The following PAWR variants were observed in gnomAD, a reference collection of about 807,000 sequenced individuals.
PAWR encodes pro-apoptotic WT1 regulator, also known as PRKC apoptosis WT1 regulator protein.
In PAWR, 23 loss-of-function variants were observed where a neutral mutation model predicts 32.0. The ratio of observed to expected loss-of-function variants is 0.72; its 90% CI spans 0.52 to 1.02. The LOEUF is 1.02. Ranked by LOEUF, PAWR falls within the 50% of genes least tolerant of loss-of-function variation. The pLI, the probability that PAWR is intolerant of heterozygous loss-of-function variation, is 0.00. For missense variants in PAWR, 457 were observed against 437.7 expected, an observed-to-expected ratio of 1.04 and a Z score of -0.39; for synonymous variants, 226 against 187.1, an observed-to-expected ratio of 1.21 and a Z score of -1.70.
At chr12:79,620,045 G>T (rs1293352273) in intron 3 of PAWR, among the ~76,000 whole-genome samples, 2 of 152,144 alleles carry the variant, frequency 1.3e-5, no homozygotes, top group African/African-American at 4.8e-5. Context: ...AAGTAATACT[G>T]ATGTTATTCA....
In PAWR at chr12:79,589,156, T is replaced by C. The variant is rs967529006; in HGVS notation, c.*3451A>G. 1.4e-4 allele frequency: 21 copies of C among 151,666 alleles called. No homozygotes were observed. The highest frequency in any genetic ancestry group is 4.6e-4 in the African/African-American group (19 of 41,320). The allele number at this position is 151,666 out of a possible 1,614,324, so 9.4% of individuals were successfully genotyped here. On this transcript the variant is annotated 3_prime_UTR_variant, in exon 7 of 7. Coordinates refer to ENST00000328827, the MANE Select transcript of PAWR (RefSeq NM_002583.4). ...GTCACCAACTCAGAACCCATAAAAC[T>C]ATACACATATGCACAAAAAAAAAAC...
chr12:79,616,056 C>CAAAAAA (rs140963642), intron 3 of PAWR, among the ~76,000 whole-genome samples: 3 of 72,396 alleles, frequency 4.1e-5, no homozygotes, highest in African/African-American at 1.1e-4. Flanking sequence ...GACCCTGTCT[C>CAAAAAA]AAAAAAAAAA....
chr12:79,660,407 G>GTTA (rs1877291352), intron 2 of PAWR, among the ~76,000 whole-genome samples: 1 of 151,990 alleles, frequency 6.6e-6, no homozygotes, highest in African/African-American at 2.4e-5. Context: ...GTGCTAAGAG[G>GTTA]TTATACTGAG....
chr12:79,621,673 A>G (rs1189429619), intron 2 of PAWR, among the ~76,000 whole-genome samples: 1 of 152,200 alleles, frequency 6.6e-6, no homozygotes, highest in African/African-American at 2.4e-5. Context: ...ATATAAAGGA[A>G]GAGTATTTTT....
intron 2 of PAWR, among the ~76,000 whole-genome samples, chr12:79,682,137 C>G (rs1317914144): frequency 6.6e-6 from 1 of 152,058 alleles, no homozygotes; most frequent in African/African-American, 2.4e-5. Context: ...TTCTCTTAGT[C>G]CCCCTAGAGT....
intron 2 of PAWR, among the ~76,000 whole-genome samples, chr12:79,642,605 T>C (rs1414338049): frequency 6.6e-6 from 1 of 151,990 alleles, no homozygotes; most frequent in East Asian, 1.9e-4. Flanking sequence ...GGTCTCTCTC[T>C]CCCCCTCCTA....
rs1170404778 is a variant in PAWR, at chr12:79,648,617, T to TAAA, written c.517-27413_517-27411dup. Among the ~76,000 whole-genome samples, 1,618 of 108,254 alleles carry TAAA rather than the reference T, an allele frequency of 0.015. 59 individuals are homozygous for TAAA. In the East Asian group the frequency reaches 0.15, roughly 10 times the overall value. The allele number at this position is 108,254 out of a possible 152,430, so 71.0% of individuals were successfully genotyped here. On this transcript the variant is annotated intron_variant, in intron 2 of 6. Transcript: ENST00000328827. The stretch of plus-strand genomic sequence containing the variant: ...GGGCAACATAATGAGACCCTGTCTC[T>TAAA]AAAAAAAAAAAAAAAAAAAAAATTA...
At position 79,620,819 on chromosome 12, in the gene PAWR, T is replaced by C. The variant is rs1049153822; in HGVS notation, c.648+257A>G. ...TGGAGGAGCAATCCGACATGAGTTC[T>C]CCGAGTCTCAGCAGGAGCAAACAGA... On this transcript the variant is annotated intron_variant, in intron 3 of 6. Coordinates refer to ENST00000328827, the MANE Select transcript of PAWR (RefSeq NM_002583.4). 1.1e-4 allele frequency among the ~76,000 whole-genome samples: 16 copies of C among 152,186 alleles called. No homozygotes were observed. The South Asian group carries it at 2.9e-3, about 28-fold the overall frequency.
chr12:79,676,240 G>C (rs557127702), intron 2 of PAWR, among the ~76,000 whole-genome samples: 1 of 152,254 alleles, frequency 6.6e-6, no homozygotes, highest in East Asian at 1.9e-4. Flanking sequence ...AAGCACTTAA[G>C]TGTAATCTCA....
At chr12:79,649,746 C>T (rs539386119) in intron 2 of PAWR, among the ~76,000 whole-genome samples, 17 of 152,104 alleles carry the variant, frequency 1.1e-4, no homozygotes, top group South Asian at 6.2e-4. Context: ...GCTATGATTG[C>T]GCCAAGGGAC....
At chr12:79,615,496 G>A (rs1185355517) in intron 3 of PAWR, among the ~76,000 whole-genome samples, 1 of 152,124 alleles carries the variant, frequency 6.6e-6, no homozygotes, top group Non-Finnish European at 1.5e-5. Flanking sequence ...GTCATGCCTT[G>A]ACAGGTGATA....
chr12:79,623,865 C>T (rs1239556960), intron 2 of PAWR, among the ~76,000 whole-genome samples: 1 of 151,870 alleles, frequency 6.6e-6, no homozygotes, highest in African/African-American at 2.4e-5. Flanking sequence ...ATGTATAAAA[C>T]TACAATAACA....
chr12:79,640,415 C>T (rs1341255155), intron 2 of PAWR, among the ~76,000 whole-genome samples: 1 of 152,126 alleles, frequency 6.6e-6, no homozygotes, highest in Non-Finnish European at 1.5e-5. Context: ...ACCTTTATGA[C>T]CAAGAAAGAC....
chr12:79,690,541 G>C, intron 1 of PAWR, 150 bp from the exon 2 acceptor site: 1 of 344,256 alleles, frequency 2.9e-6, no homozygotes, highest in East Asian at 5.4e-5. Context: ...ACCCTGCAAA[G>C]TTTCTCCCAC....
intron 2 of PAWR, among the ~76,000 whole-genome samples, chr12:79,624,282 T>C (rs527918028): frequency 1.2e-4 from 19 of 152,038 alleles, no homozygotes; most frequent in African/African-American, 4.1e-4. Context: ...CTTTCCCTCC[T>C]CCTGCCCCCT....
intron 2 of PAWR, among the ~76,000 whole-genome samples, chr12:79,684,465 GC>G (rs1878588975): frequency 6.6e-6 from 1 of 151,950 alleles, no homozygotes; most frequent in South Asian, 2.1e-4. Flanking sequence ...ACAAAAATTA[GC>G]CAGGCATGGT....
chr12:79,612,067 A>AT (rs1874463300), intron 4 of PAWR, among the ~76,000 whole-genome samples: 1 of 152,132 alleles, frequency 6.6e-6, no homozygotes, highest in Admixed American at 6.5e-5. Flanking sequence ...AATGCTAAAA[A>AT]TTTTTTGGTT....
intron 2 of PAWR, among the ~76,000 whole-genome samples, chr12:79,651,950 T>C (rs540001966): frequency 2.4e-4 from 36 of 152,288 alleles, no homozygotes; most frequent in African/African-American, 5.1e-4. Flanking sequence ...TGCTGTAACA[T>C]AGATGCACCT....
chr12:79,621,080 A>G lies in PAWR; in HGVS notation c.644T>C (p.Leu215Pro), dbSNP rs1167781218. ...CTGGTATTTTTAAATACTCACCTGT[A>G]GCAGATAGGAACTGCCTGGATCTAG... The part of the protein sequence containing the change: ...NLLDPGSSYL[L>P]QEPPRTVSGR... Residue 215 changes from leucine (L) to proline (P), a missense_variant, in exon 3 of 7, where the codon CTA (leucine) becomes CCA (proline). By Grantham distance (98) the Leu-to-Pro change is moderately conservative. Transcript: ENST00000328827. 3.8e-6 allele frequency: 6 copies of G among 1,595,566 alleles called. No homozygotes were observed. Among genetic ancestry groups the G allele is most frequent in the Non-Finnish European group, 5.1e-6 (6 of 1,173,488 alleles).
Sources: gnomAD v4.1 joint callset for allele counts (sites outside exome capture counted in the v4.1 genomes callset) on GRCh38, gnomAD v4.1.1 for gene constraint, MANE v1.5 for transcripts, NCBI Gene and HGNC (gene_info 2026-07-23, HGNC 2026-07-21) for gene names.